Variants in CADPS2 observed in about 807,000 individuals in gnomAD.
CADPS2 encodes the protein calcium-dependent secretion activator 2.
A neutral mutation model predicts 172.5 loss-of-function variants in CADPS2; 93 were observed. The ratio of observed to expected loss-of-function variants is 0.54; its 90% confidence interval spans 0.46 to 0.64. The LOEUF (loss-of-function observed/expected upper bound fraction) is 0.64, where lower values mean the gene tolerates loss of function less well. CADPS2 is among the 30% of genes least tolerant of loss of function. The pLI is 0.00. For missense variants in CADPS2, 1,420 were observed against 1,565.9 expected, an observed-to-expected ratio of 0.91 and a Z score of 1.57; for synonymous variants, 546 against 555.2, an observed-to-expected ratio of 0.98 and a Z score of 0.23.
intron 8 of CADPS2, among the ~76,000 whole-genome samples, chr7:122,519,569 G>A (rs2060623261): frequency 6.6e-6 from 1 of 151,840 alleles, no homozygotes; most frequent in South Asian, 2.1e-4. Flanking sequence ...CCTCTCTTGG[G>A]TTATTTCAAA....
At chr7:122,338,516 T>C (rs949672599) in intron 28 of CADPS2, among the ~76,000 whole-genome samples, 1 of 152,184 alleles carries the variant, frequency 6.6e-6, no homozygotes, top group African/African-American at 2.4e-5. Context: ...ATAATGGCTA[T>C]GACATGGGAA....
At chr7:122,870,975 T>C (rs1401984183) in intron 1 of CADPS2, among the ~76,000 whole-genome samples, 1 of 152,040 alleles carries the variant, frequency 6.6e-6, no homozygotes, top group Non-Finnish European at 1.5e-5. Flanking sequence ...AACTAAGTGC[T>C]TTTCAGAAAT....
chr7:122,811,638 T>G (rs1183856425), intron 1 of CADPS2, among the ~76,000 whole-genome samples: 1 of 152,174 alleles, frequency 6.6e-6, no homozygotes, highest in African/African-American at 2.4e-5. Flanking sequence ...AATATAGCTA[T>G]TAAATCTGAA....
chr7:122,567,853 A>T (rs1345716189), intron 7 of CADPS2, among the ~76,000 whole-genome samples: 1 of 152,174 alleles, frequency 6.6e-6, no homozygotes, highest in Non-Finnish European at 1.5e-5. Context: ...AAGAACATTC[A>T]ACCTAAAAAA....
chr7:122,840,595 A>T (rs1450546181), intron 1 of CADPS2, among the ~76,000 whole-genome samples: 1 of 151,812 alleles, frequency 6.6e-6, no homozygotes, highest in African/African-American at 2.4e-5. Flanking sequence ...AGCAAGAAAA[A>T]ACTTAGGGTA....
At position 122,446,674 on chromosome 7, in the gene CADPS2, G is replaced by A. The variant is rs183077500; in HGVS notation, c.2288+4700C>T. Among the ~76,000 whole-genome samples, 1,121 of 152,212 alleles carry A rather than the reference G, an allele frequency of 7.4e-3. 28 individuals are homozygous for A. Among genetic ancestry groups the A allele is most frequent in the Non-Finnish European group, 6.3e-3 (427 of 68,018 alleles). ...TCAATACTTAACAGGAGACTCCAGG[G>A]AATCATTTGCAAATAGCTGTAGCTC... is the stretch of plus-strand genomic sequence containing the variant. On this transcript the variant is annotated intron_variant, in intron 15 of 29. Coordinates refer to ENST00000449022, the MANE Select transcript of CADPS2 (RefSeq NM_017954.11).
chr7:122,603,326 G>A (rs762436908), intron 6 of CADPS2, among the ~76,000 whole-genome samples: 9 of 147,242 alleles, frequency 6.1e-5, no homozygotes, highest in African/African-American at 1.6e-4. Context: ...ATAAAATAAC[G>A]TTTGCAGTTT....
chr7:122,849,835 T>C (rs1198509022), intron 1 of CADPS2: 10 of 563,596 alleles, frequency 1.8e-5, no homozygotes, highest in Non-Finnish European at 3.1e-5. Context: ...ATGATGAGTT[T>C]CCCACTATGG....
chr7:122,783,328 ATTCC>A (rs879698865), intron 1 of CADPS2, among the ~76,000 whole-genome samples: 16 of 151,804 alleles, frequency 1.1e-4, no homozygotes, highest in Non-Finnish European at 2.4e-4. Flanking sequence ...GGTTGATTTT[ATTCC>A]TTCCATCTTA....
intron 2 of CADPS2, among the ~76,000 whole-genome samples, chr7:122,673,391 C>T (rs560307984): frequency 6.6e-6 from 1 of 152,338 alleles, no homozygotes; most frequent in South Asian, 2.1e-4. Context: ...CTGAGCTAGA[C>T]ACAGAGTGCT....
At chr7:122,363,286 T>C (rs1010346902) in intron 25 of CADPS2, among the ~76,000 whole-genome samples, 1 of 152,162 alleles carries the variant, frequency 6.6e-6, no homozygotes, top group Non-Finnish European at 1.5e-5. Context: ...GTGATCTCAT[T>C]TGCCACGAGG....
intron 1 of CADPS2, among the ~76,000 whole-genome samples, chr7:122,795,201 T>C (rs10261921): frequency 0.012 from 1,858 of 150,200 alleles, 40 homozygotes; most frequent in African/African-American, 0.043. Flanking sequence ...TTTGAAAAAA[T>C]TAATAGATCA....
At chr7:122,707,922 G>A (rs778203130) in intron 2 of CADPS2, among the ~76,000 whole-genome samples, 1 of 151,666 alleles carries the variant, frequency 6.6e-6, no homozygotes, top group African/African-American at 2.4e-5. Flanking sequence ...TTTCTGGATT[G>A]TGGCAACTAT....
chr7:122,434,046 C>T (rs950866840), intron 17 of CADPS2, among the ~76,000 whole-genome samples: 6 of 152,152 alleles, frequency 3.9e-5, no homozygotes, highest in Non-Finnish European at 7.3e-5. Context: ...TGGAAAGCCA[C>T]GAACAACCCT....
chr7:122,529,599 GA>G (rs1184027126), intron 8 of CADPS2, among the ~76,000 whole-genome samples: 6 of 152,030 alleles, frequency 3.9e-5, no homozygotes, highest in Non-Finnish European at 7.4e-5. Flanking sequence ...GGAATGGGAG[GA>G]AAATCAGCCT....
rs34582432 is a variant in CADPS2 at position 122,659,310 on chromosome 7, TA to T, written c.786+3926del. Among the ~76,000 whole-genome samples, 21 of 129,130 alleles carry T rather than the reference TA, an allele frequency of 1.6e-4. 1 individual carries two copies. The highest frequency in any genetic ancestry group is 4.3e-3 in the Middle Eastern group (1 of 230). 84.7% of individuals were successfully genotyped at this position (129,130 alleles called of 152,430 possible). On this transcript the variant is annotated intron_variant, in intron 3 of 29. Coordinates refer to ENST00000449022, the MANE Select transcript of CADPS2 (RefSeq NM_017954.11). ...AAAAATCAAAAGGAAATGCTAGACA[TA>T]AAAAAAAAAAAAAAACACCGTGGAA...
Position 122,513,260 on chromosome 7 carries a change from C to T in CADPS2, c.1531G>A (p.Val511Ile). 6.4e-7 allele frequency: 1 copy of T among 1,560,300 alleles called. No homozygotes were observed. Among genetic ancestry groups the T allele is most frequent in the African/African-American group, 1.4e-5 (1 of 73,708 alleles). The change falls in exon 9 of 30, where the codon GTT becomes ATT. Residue 511 changes from valine to isoleucine, a missense_variant. Physicochemically the swap from Val to Ile is conservative, Grantham distance 29. Transcript: ENST00000449022. ...AAAAAATGACTAACCTGAACTAGAA[C>T]AAAGTAACGTTTTTTCCATCTTTTC... ...VWKRWKKRYF[V>I]LVQVSQYTFA...
chr7:122,675,447 A>C (rs2082288848), intron 2 of CADPS2, among the ~76,000 whole-genome samples: 1 of 152,218 alleles, frequency 6.6e-6, no homozygotes, highest in Admixed American at 6.5e-5. Flanking sequence ...TTTTTGGAAA[A>C]GTCATCCACC....
At chr7:122,465,608 T>A (rs1563412484) in intron 14 of CADPS2, among the ~76,000 whole-genome samples, 1 of 152,300 alleles carries the variant, frequency 6.6e-6, no homozygotes, top group East Asian at 1.9e-4. Context: ...TGCCTGATGA[T>A]CTGAGGTGGA....
Sources: gnomAD v4.1 joint callset for allele counts (sites outside exome capture counted in the v4.1 genomes callset) on GRCh38, gnomAD v4.1.1 for gene constraint, MANE v1.5 for transcripts, NCBI Gene and HGNC (gene_info 2026-07-23, HGNC 2026-07-21) for gene names.